Variants in GALK2 observed in about 807,000 individuals in gnomAD.
The protein encoded by GALK2 is N-acetylgalactosamine kinase.
GALK2 carries 36 observed loss-of-function variants against 52.4 expected under a neutral mutation model. The observed-to-expected ratio is 0.69, with a 90% confidence interval of 0.53 to 0.91. The LOEUF is 0.91. Ranked by LOEUF, GALK2 falls within the 40% of genes least tolerant of loss-of-function variation. The pLI is 0.00. For missense variants in GALK2, 579 were observed against 559.1 expected (o/e 1.04, Z -0.36); for synonymous variants, 176 against 199.1 (o/e 0.88, Z 0.98).
At chr15:49,303,114 G>T (rs1014128730) in intron 8 of GALK2, among the ~76,000 whole-genome samples, 5 of 152,048 alleles carry the variant, frequency 3.3e-5, no homozygotes, top group African/African-American at 1.2e-4. Context: ...TGGAGGACAG[G>T]TTCATGCCAG....
At chr15:49,220,058 CTT>C (rs34707025) in intron 3 of GALK2, among the ~76,000 whole-genome samples, 9 of 92,736 alleles carry the variant, frequency 9.7e-5, no homozygotes, top group South Asian at 7.8e-4. Flanking sequence ...AGATACAAGT[CTT>C]TTTTTTTTTT....
At position 49,330,381 on chromosome 15, in the gene GALK2, C is replaced by T. The variant is rs1024024867; in HGVS notation, c.*2222C>T. On this transcript the variant is annotated 3_prime_UTR_variant, in exon 10 of 10. Coordinates refer to ENST00000560031, the MANE Select transcript of GALK2 (RefSeq NM_002044.4). The stretch of plus-strand genomic sequence containing the variant: ...CTGCAGATGTATATAGTTTGGCCCA[C>T]AGAATGACTAAAAACTTGGGCTCCA... 3 of 152,154 alleles carry T rather than the reference C, an allele frequency of 2.0e-5. No individual in the cohort carries two copies. Among genetic ancestry groups the T allele is most frequent in the African/African-American group, 4.8e-5 (2 of 41,428 alleles). 9.4% of individuals were successfully genotyped at this position (152,154 alleles called of 1,614,324 possible). A position where few individuals can be genotyped will look rare whatever the true frequency, so the allele number is the denominator to read the frequency against.
chr15:49,365,971 T>C, intron 3 of GALK2: 1 of 845,918 alleles, frequency 1.2e-6, no homozygotes, highest in Non-Finnish European at 2.1e-6. Context: ...GTGGAAGAAA[T>C]AAAGTAAGAC....
At chr15:49,274,367 TA>T (rs897411706) in intron 5 of GALK2, among the ~76,000 whole-genome samples, 10 of 152,194 alleles carry the variant, frequency 6.6e-5, no homozygotes, top group African/African-American at 2.4e-4. Flanking sequence ...TAGCTAAACA[TA>T]AAAAAGGTAA....
downstream of GALK2, chr15:49,335,456 T>C (rs775630744): frequency 4.3e-6 from 7 of 1,613,714 alleles, no homozygotes; most frequent in Middle Eastern, 1.7e-4. Context: ...AATTGTCTTT[T>C]TGCCTCCTTT....
chr15:49,298,661 G>T (rs1210256780), intron 8 of GALK2, among the ~76,000 whole-genome samples: 1 of 152,040 alleles, frequency 6.6e-6, no homozygotes, highest in East Asian at 1.9e-4. Context: ...TTTCTATTGA[G>T]ATGATCATAT....
chr15:49,298,451 T>C (rs1330853280), intron 8 of GALK2, among the ~76,000 whole-genome samples: 2 of 152,130 alleles, frequency 1.3e-5, no homozygotes, highest in Non-Finnish European at 2.9e-5. Flanking sequence ...CCTCCAATAC[T>C]ATGTTGAATA....
Position 49,229,256 on chromosome 15 carries a change from C to T in GALK2, c.267-6595C>T, listed in dbSNP as rs559214319. On this transcript the variant is annotated intron_variant, in intron 3 of 9. Transcript: ENST00000560031. ...AAACAGTATCACTGGTCTCTGATTT[C>T]CTCAGTGACTTAGGATATGGTTGTT... Among the ~76,000 whole-genome samples the T allele has an allele frequency of 1.5e-4, 23 of 152,258 alleles. No homozygotes were observed. The South Asian group carries it at 4.6e-3, about 30-fold the overall frequency.
intron 3 of GALK2, among the ~76,000 whole-genome samples, chr15:49,341,217 T>C (rs1596312652): frequency 6.6e-6 from 1 of 152,212 alleles, no homozygotes; most frequent in East Asian, 1.9e-4. Flanking sequence ...AGCTTTGTTC[T>C]TTTTGCTTAG....
At chr15:49,227,967 T>C (rs891616695) in intron 3 of GALK2, among the ~76,000 whole-genome samples, 2 of 152,172 alleles carry the variant, frequency 1.3e-5, no homozygotes, top group Non-Finnish European at 2.9e-5. Flanking sequence ...TTCTCCTTCA[T>C]TTATGAAGGA....
At chr15:49,322,915 A>G (rs1431208260) in intron 9 of GALK2, among the ~76,000 whole-genome samples, 1 of 150,506 alleles carries the variant, frequency 6.6e-6, no homozygotes, top group East Asian at 2.0e-4. Context: ...CGAGATCGCA[A>G]CACTGCCCTC....
chr15:49,188,232 C>T (rs1284128749), intron 1 of GALK2, among the ~76,000 whole-genome samples: 2 of 152,168 alleles, frequency 1.3e-5, no homozygotes, highest in Non-Finnish European at 2.9e-5. Context: ...CTTAGAGTGC[C>T]TTTCAGATTT....
chr15:49,265,717 C>T (rs1315422943), intron 5 of GALK2, among the ~76,000 whole-genome samples: 1 of 152,210 alleles, frequency 6.6e-6, no homozygotes, highest in African/African-American at 2.4e-5. Context: ...CATCTTTGCT[C>T]CTGCCCCAGT....
intron 1 of GALK2, among the ~76,000 whole-genome samples, chr15:49,163,296 G>A (rs1014299051): frequency 2.0e-5 from 3 of 152,130 alleles, no homozygotes; most frequent in African/African-American, 7.2e-5. Context: ...TTGGTGAAAT[G>A]TTTTTAAATA....
upstream of GALK2, among the ~76,000 whole-genome samples, chr15:49,166,297 G>T (rs551799620): frequency 2.6e-5 from 4 of 152,222 alleles, no homozygotes; most frequent in African/African-American, 7.2e-5. Flanking sequence ...TCTATGTTCG[G>T]TTAAAGCATT....
chr15:49,177,688 C>A, intron 1 of GALK2: 1 of 521,924 alleles, frequency 1.9e-6, no homozygotes, highest in East Asian at 5.6e-5. Flanking sequence ...ACTTATGACC[C>A]TACCAAGGCC....
At position 49,260,042 on chromosome 15, in the gene GALK2, C is replaced by T. The variant is rs1211029430; in HGVS notation, c.504+20675C>T. The stretch of plus-strand genomic sequence containing the variant: ...TGTGAATAGTGCCGCAATAAACATA[C>T]GTGTGCATGTGTCTTTATAGCAGCA... On this transcript the variant is annotated intron_variant, in intron 5 of 9. Coordinates refer to ENST00000560031, the MANE Select transcript of GALK2 (RefSeq NM_002044.4). 1.3e-4 allele frequency among the ~76,000 whole-genome samples: 20 copies of T among 151,466 alleles called. 1 individual carries two copies. The highest frequency in any genetic ancestry group is 4.6e-4 in the Admixed American group (7 of 15,192).
intron 4 of GALK2, among the ~76,000 whole-genome samples, chr15:49,237,058 A>G (rs566487503): frequency 1.1e-4 from 16 of 152,214 alleles, no homozygotes; most frequent in Non-Finnish European, 2.4e-4. Flanking sequence ...AGTGGGAATT[A>G]CAGTATTTGG....
chr15:49,178,426 G>A (rs867457338), intron 1 of GALK2: 37 of 223,838 alleles, frequency 1.7e-4, no homozygotes, highest in Middle Eastern at 2.1e-3. Flanking sequence ...CCACAGTGGC[G>A]TCCAGCTTTC....
Sources: allele counts gnomAD v4.1 joint callset (sites outside exome capture counted in the v4.1 genomes callset), GRCh38; gene constraint gnomAD v4.1.1; transcripts MANE v1.5; gene names NCBI Gene and HGNC (gene_info 2026-07-23, HGNC 2026-07-21).